AFG2A: variants seen among roughly 807,000 people sequenced by gnomAD.
AFG2A encodes the protein ATPase family gene 2 protein homolog A.
chr4:123,255,481 T>A, the AFG2A span, among the ~76,000 whole-genome samples: 2 of 143,160 alleles, frequency 1.4e-5, no homozygotes, highest in African/African-American at 2.5e-5. Context: ...GGTGGCAGAG[T>A]GAGACTCTGT....
At chr4:123,258,067 A>G in the AFG2A span, among the ~76,000 whole-genome samples, 5 of 152,218 alleles carry the variant, frequency 3.3e-5, no homozygotes, top group East Asian at 1.9e-4. Context: ...AGAAAATTCT[A>G]TCTTTCCTCA....
chr4:123,179,230 G>A, the AFG2A span, among the ~76,000 whole-genome samples: 7 of 152,182 alleles, frequency 4.6e-5, no homozygotes, highest in Non-Finnish European at 1.0e-4. Flanking sequence ...AGTAGGATGG[G>A]AGCAGACAGG....
the AFG2A span, among the ~76,000 whole-genome samples, chr4:123,015,892 G>A: frequency 4.7e-4 from 30 of 63,632 alleles, no homozygotes; most frequent in African/African-American, 1.2e-3. Context: ...GGACGGGGCG[G>A]CTGGCCGGGC....
chr4:122,993,173 A>C, the AFG2A span, among the ~76,000 whole-genome samples: 1 of 149,056 alleles, frequency 6.7e-6, no homozygotes, highest in African/African-American at 2.5e-5. Context: ...TTTTTTTTTT[A>C]GTAGAGATGA....
the AFG2A span, among the ~76,000 whole-genome samples, chr4:122,929,421 C>T: frequency 0.11 from 16,222 of 152,114 alleles, 972 homozygotes; most frequent in Middle Eastern, 0.21. Context: ...GGGCTGGGCG[C>T]GGTGGCTTAT....
At chr4:123,308,797 T>A in the AFG2A span, among the ~76,000 whole-genome samples, 3 of 152,204 alleles carry the variant, frequency 2.0e-5, no homozygotes, top group African/African-American at 7.2e-5. Flanking sequence ...AAGGTAGTTG[T>A]AGTTAAGTAA....
At chr4:122,941,445 G>T in the AFG2A span, among the ~76,000 whole-genome samples, 1 of 152,166 alleles carries the variant, frequency 6.6e-6, no homozygotes, top group African/African-American at 2.4e-5. Flanking sequence ...GTCTGTTATC[G>T]GTGTATAAGA....
At chr4:123,151,310 A>G in the AFG2A span, among the ~76,000 whole-genome samples, 1 of 152,234 alleles carries the variant, frequency 6.6e-6, no homozygotes, top group South Asian at 2.1e-4. Context: ...CAGCAAAAGA[A>G]CTATCATCAG....
chr4:122,939,462 A>T, the AFG2A span, among the ~76,000 whole-genome samples: 8 of 152,204 alleles, frequency 5.3e-5, no homozygotes, highest in Admixed American at 3.3e-4. Flanking sequence ...AATAGGCATG[A>T]ACAAAAATTT....
At chr4:123,268,499 T>C in the AFG2A span, among the ~76,000 whole-genome samples, 13 of 152,174 alleles carry the variant, frequency 8.5e-5, no homozygotes, top group East Asian at 1.9e-4. Flanking sequence ...AATTTCTAGA[T>C]TGAAAGCCTC....
At chr4:123,128,640 T>G in the AFG2A span, among the ~76,000 whole-genome samples, 1 of 152,124 alleles carries the variant, frequency 6.6e-6, no homozygotes, top group African/African-American at 2.4e-5. Context: ...TTCTAGTGAA[T>G]GGATTTTTAT....
chr4:123,264,144 A>G, the AFG2A span, among the ~76,000 whole-genome samples: 1 of 152,208 alleles, frequency 6.6e-6, no homozygotes, highest in Non-Finnish European at 1.5e-5. Flanking sequence ...CTTACTCATA[A>G]GTGGGAGCAA....
the AFG2A span, among the ~76,000 whole-genome samples, chr4:122,970,726 G>A: frequency 1.2e-4 from 18 of 151,136 alleles, no homozygotes; most frequent in Non-Finnish European, 2.4e-4. Flanking sequence ...ATCTAGATTT[G>A]TATAAGTATA....
the AFG2A span, among the ~76,000 whole-genome samples, chr4:123,152,628 G>A: frequency 6.6e-6 from 1 of 152,134 alleles, no homozygotes; most frequent in African/African-American, 2.4e-5. Flanking sequence ...GCAAGGATGT[G>A]GAGCATCAAG....
chr4:122,937,871 T>C, the AFG2A span, among the ~76,000 whole-genome samples: 1 of 152,184 alleles, frequency 6.6e-6, no homozygotes, highest in Admixed American at 6.5e-5. Flanking sequence ...AAGAGACTCT[T>C]ATCTTTTAAG....
At chr4:123,228,885 C>T in the AFG2A span, among the ~76,000 whole-genome samples, 1 of 151,832 alleles carries the variant, frequency 6.6e-6, no homozygotes, top group Non-Finnish European at 1.5e-5. Context: ...TGTTGTGGTA[C>T]GAATGTTTGA....
At chr4:123,032,614 C>T in the AFG2A span, among the ~76,000 whole-genome samples, 40 of 152,334 alleles carry the variant, frequency 2.6e-4, no homozygotes, top group Middle Eastern at 6.8e-3. Flanking sequence ...CGGGGTTTCA[C>T]CATGTAGGCC....
the AFG2A span, among the ~76,000 whole-genome samples, chr4:123,098,432 G>A: frequency 1.3e-5 from 2 of 151,888 alleles, no homozygotes; most frequent in South Asian, 2.1e-4. Context: ...TATTGTTAAC[G>A]ATAGTCACCC....
chr4:123,119,615 A>T, the AFG2A span, among the ~76,000 whole-genome samples: 1 of 152,170 alleles, frequency 6.6e-6, no homozygotes, highest in Admixed American at 6.5e-5. Context: ...TGTCTTGCCA[A>T]AATTGATTGG....
Sources: gnomAD v4.1 joint callset for allele counts (sites outside exome capture counted in the v4.1 genomes callset) on GRCh38, gnomAD v4.1.1 for gene constraint, MANE v1.5 for transcripts, NCBI Gene and HGNC (gene_info 2026-07-23, HGNC 2026-07-21) for gene names.